MXRA5: variants seen among roughly 807,000 people sequenced by gnomAD.
MXRA5 encodes matrix remodeling associated 5, also known as matrix-remodeling-associated protein 5.
MXRA5 carries 41 observed loss-of-function variants against 112.5 expected under a neutral mutation model. That is an observed-to-expected ratio of 0.36 (90% confidence interval 0.28 to 0.47). MXRA5 has a LOEUF of 0.47. MXRA5 is among the 20% of genes least tolerant of loss of function. MXRA5 has a pLI of 0.99. For synonymous variants in MXRA5, 862 were observed against 900.8 expected (o/e 0.96, Z 0.77); for missense variants, 2,150 against 2,251.0 (o/e 0.96, Z 0.91).
rs137882293 is a variant in MXRA5 at position 3,317,850 on chromosome X, G to A, written c.5831C>T (p.Ser1944Leu). ...GATTTGAGGTTGCTGCACGGTGACCGAAAGCAAGACCACCATCCTGTCCAG... is the reference window on the plus strand; with the variant it reads ...GATTTGAGGTTGCTGCACGGTGACCAAAAGCAAGACCACCATCCTGTCCAG... ...HGLDRMVVLL[S>L]VTVQQPQILA... The change falls in exon 6 of 7, where the codon TCG (serine) becomes TTG (leucine). Residue 1944 changes from serine (S) to leucine (L), a missense_variant. Transcript: ENST00000217939. 1.2e-5 allele frequency: 14 copies of A among 1,209,367 alleles called. No individual in the cohort carries two copies. The African/African-American group carries it at 1.4e-4, about 12-fold the overall frequency.
chrX:3,316,309 G>A (rs1489253433), intron 6 of MXRA5, among the ~76,000 whole-genome samples: 7 of 53,472 alleles, frequency 1.3e-4, no homozygotes, highest in Admixed American at 9.5e-4. Flanking sequence ...GCGAGATTCC[G>A]TCTCAAAAAT....
rs751198582 is a variant in MXRA5, at chrX:3,336,119, C to T, written c.189-5346G>A. Among the ~76,000 whole-genome samples, 3 of 111,886 alleles carry T rather than the reference C, an allele frequency of 2.7e-5. No individual in the cohort carries two copies. The East Asian group carries it at 8.4e-4, about 31-fold the overall frequency. On this transcript the variant is annotated intron_variant, in intron 2 of 6. Transcript: ENST00000217939. ...ATTAGATTCTCATTGGAGCACAAATCCTATTCTGAACTGTGTGTGCAAGGG... is the reference window on the plus strand; with the variant it reads ...ATTAGATTCTCATTGGAGCACAAATTCTATTCTGAACTGTGTGTGCAAGGG...
intron 2 of MXRA5, among the ~76,000 whole-genome samples, chrX:3,342,918 G>C (rs1922022249): frequency 8.9e-6 from 1 of 112,441 alleles, no homozygotes; most frequent in Admixed American, 9.4e-5. Context: ...CTCCATGGTG[G>C]ATATTTCACA....
Position 3,320,238 on chromosome X carries a change from A to C in MXRA5, c.5447T>G (p.Ile1816Ser), listed in dbSNP as rs199503617. 1.9e-4 allele frequency: 224 copies of C among 1,209,211 alleles called. 2 individuals are homozygous for C. In the Middle Eastern group the frequency reaches 2.8e-3, roughly 15 times the overall value. The part of the protein sequence containing the change: ...IPMVSSTQSS[I>S]SFITSSVQSS... Reference sequence around the variant, plus strand: ...CTGGACAGAAGATGTTATAAAGGAGATAGAACTCTGGGTGGAAGAGACCAT... The same window carrying C: ...CTGGACAGAAGATGTTATAAAGGAGCTAGAACTCTGGGTGGAAGAGACCAT... The change falls in exon 5 of 7, where the codon ATC becomes AGC. Residue 1816 changes from isoleucine to serine, a missense_variant. Ile to Ser is a moderately radical substitution (Grantham distance 142). Transcript: ENST00000217939.
Position 3,309,604 on chromosome X carries a change from G to C in MXRA5, c.*112C>G. The C allele has an allele frequency of 1.6e-6, 1 of 629,340 alleles. No homozygotes were observed. Among genetic ancestry groups the C allele is most frequent in the Non-Finnish European group, 2.4e-6 (1 of 413,223 alleles). 51.9% of individuals were successfully genotyped at this position (629,340 alleles called of 1,213,427 possible). A position where few individuals can be genotyped will look rare whatever the true frequency, so the allele number is the denominator to read the frequency against. On this transcript the variant is annotated 3_prime_UTR_variant, in exon 7 of 7. Transcript: ENST00000217939. Reference sequence around the variant, plus strand: ...CAACCTCAACTTGAAACCCACCAGAGGCCACCATGCACTGTGACACATTAT... The same window carrying C: ...CAACCTCAACTTGAAACCCACCAGACGCCACCATGCACTGTGACACATTAT...
chrX:3,342,489 T>C (rs1487500576), intron 2 of MXRA5, among the ~76,000 whole-genome samples: 13 of 112,426 alleles, frequency 1.2e-4, no homozygotes, highest in African/African-American at 3.9e-4. Flanking sequence ...GGCTTATGTG[T>C]TACTATTCCC....
chrX:3,309,072 G>GA lies in MXRA5; in HGVS notation c.*643dup, dbSNP rs1394032780. On this transcript the variant is annotated 3_prime_UTR_variant, in exon 7 of 7. Transcript: ENST00000217939. Reference sequence around the variant, plus strand: ...CTAGTCTCATCGTCTGATTTGAAAGGAAAAAATATATATATAAAACATTAT... The same window carrying GA: ...CTAGTCTCATCGTCTGATTTGAAAGGAAAAAAATATATATATAAAACATTAT... 2 of 111,358 alleles carry GA rather than the reference G, an allele frequency of 1.8e-5. No individual in the cohort carries two copies. The highest frequency in any genetic ancestry group is 3.8e-5 in the Non-Finnish European group (2 of 53,121). 9.2% of individuals were successfully genotyped at this position (111,358 alleles called of 1,213,427 possible).
At chrX:3,336,233 G>A (rs956361683) in intron 2 of MXRA5, among the ~76,000 whole-genome samples, 1 of 111,673 alleles carries the variant, frequency 9.0e-6, no homozygotes, top group African/African-American at 3.3e-5. Context: ...TCTAGTTGAA[G>A]GAAAATAAGC....
chrX:3,337,066 T>C (rs1257845076), intron 2 of MXRA5, among the ~76,000 whole-genome samples: 2 of 111,977 alleles, frequency 1.8e-5, no homozygotes, highest in African/African-American at 6.5e-5. Context: ...AGGAAATAAT[T>C]AAAGCACAGG....
At chrX:3,331,631 G>A (rs1394539141) in intron 2 of MXRA5, among the ~76,000 whole-genome samples, 1 of 112,157 alleles carries the variant, frequency 8.9e-6, no homozygotes, top group East Asian at 2.8e-4. Context: ...CATGTCTGAC[G>A]GATGATCAAA....
At chrX:3,313,742 A>C (rs1049858928) in intron 6 of MXRA5, among the ~76,000 whole-genome samples, 3 of 112,433 alleles carry the variant, frequency 2.7e-5, no homozygotes, top group African/African-American at 9.7e-5. Context: ...CAAAAATCTT[A>C]CTGGAACTGC....
At chrX:3,336,320 G>A (rs1331321646) in intron 2 of MXRA5, among the ~76,000 whole-genome samples, 2 of 111,509 alleles carry the variant, frequency 1.8e-5, no homozygotes, top group Admixed American at 1.9e-4. Flanking sequence ...AATAATAATA[G>A]AAATAAAGTG....
intron 6 of MXRA5, among the ~76,000 whole-genome samples, chrX:3,315,395 AG>A (rs1213386964): frequency 3.0e-3 from 179 of 60,397 alleles, no homozygotes; most frequent in East Asian, 4.0e-3. Context: ...GATAGATGAT[AG>A]ATAGATAGAT....
At chrX:3,312,497 T>C (rs188365687) in intron 6 of MXRA5, among the ~76,000 whole-genome samples, 76 of 111,652 alleles carry the variant, frequency 6.8e-4, no homozygotes, top group Non-Finnish European at 1.1e-3. Context: ...GTTGTCCCTA[T>C]TGAATTCTCA....
In MXRA5 at chrX:3,316,130, C is replaced by T. The variant is rs1340277647; in HGVS notation, c.6578+973G>A. ...GAGATCGAGACCATCCTGGCTAACACGGTGAAACCCCGTCTCTACTAAAAA... is the reference window on the plus strand; with the variant it reads ...GAGATCGAGACCATCCTGGCTAACATGGTGAAACCCCGTCTCTACTAAAAA... On this transcript the variant is annotated intron_variant, in intron 6 of 6. Transcript: ENST00000217939. Among the ~76,000 whole-genome samples, 257 of 69,959 alleles carry T rather than the reference C, an allele frequency of 3.7e-3. 5 individuals are homozygous for T. Among genetic ancestry groups the T allele is most frequent in the African/African-American group, 0.019 (239 of 12,497 alleles). The allele number at this position is 69,959 out of a possible 115,157, so 60.8% of individuals were successfully genotyped here. A position where few individuals can be genotyped will look rare whatever the true frequency, so the allele number is the denominator to read the frequency against.
rs749684164 is a variant in MXRA5 at position 3,323,300 on chromosome X, G to C, written c.2385C>G (p.Leu795=). 3.1e-5 allele frequency: 38 copies of C among 1,209,645 alleles called. No individual in the cohort carries two copies. The highest frequency in any genetic ancestry group is 4.0e-5 in the Non-Finnish European group (36 of 895,196). Residue 795 remains leucine (L), a synonymous_variant, in exon 5 of 7, where the codon CTC becomes CTG. Transcript: ENST00000217939. ...ATGGGGGTACTTCTGTGCCCTTAGG[G>C]AGATTTTTCCCACGGACTTTGGCTA... The part of the protein sequence containing the change: ...DILAKVRGKN[L]PKGTEVPPLI...
In MXRA5 at chrX:3,344,829, C is replaced by T. The variant is rs772727599; in HGVS notation, c.-28-968G>A. ...GAACTGCTGATTAAAATTCTAAAAC[C>T]CAGGCCGGACTCGGTGGCTCACGTC... On this transcript the variant is annotated intron_variant, in intron 1 of 6. Transcript: ENST00000217939. 2.2e-4 allele frequency among the ~76,000 whole-genome samples: 24 copies of T among 110,954 alleles called. 1 individual carries two copies. The highest frequency in any genetic ancestry group is 4.3e-4 in the Non-Finnish European group (23 of 52,957).
In MXRA5 at chrX:3,321,862, T is replaced by C. The variant is rs1921316242; in HGVS notation, c.3823A>G (p.Thr1275Ala). 1 of 1,209,301 alleles carries C rather than the reference T, an allele frequency of 8.3e-7. No homozygotes were observed. The highest frequency in any genetic ancestry group is 2.2e-5 in the Admixed American group (1 of 45,640). ...HRNIVTPSSE[T>A]ILLPRTVSLK... ...GAAACAGTTCTAGGCAAAAGTATAGTTTCTGAACTGGGAGTAACAATGTTT... is the reference window on the plus strand; with the variant it reads ...GAAACAGTTCTAGGCAAAAGTATAGCTTCTGAACTGGGAGTAACAATGTTT... The change falls in exon 5 of 7, where the codon ACT becomes GCT. Residue 1275 changes from threonine (T) to alanine (A), a missense_variant. Thr to Ala is a moderately conservative substitution (Grantham distance 58, BLOSUM62 0). This residue lies in a region of MXRA5 where 1,485 missense variants were observed against 1,471.6 expected (regional missense o/e 1.01). Coordinates refer to ENST00000217939, the MANE Select transcript of MXRA5 (RefSeq NM_015419.4).
At chrX:3,330,455 T>C in intron 3 of MXRA5, 47 bp from the exon 4 acceptor site, 1 of 1,147,561 alleles carries the variant, frequency 8.7e-7, no homozygotes, top group African/African-American at 1.8e-5. Flanking sequence ...ATCCTGTTTA[T>C]AGTTTAAAAA....
Sources: allele counts gnomAD v4.1 joint callset (sites outside exome capture counted in the v4.1 genomes callset), GRCh38; gene constraint gnomAD v4.1.1; regional missense constraint gnomAD v4.1.1; transcripts MANE v1.5; gene names NCBI Gene and HGNC (gene_info 2026-07-23, HGNC 2026-07-21).